Variants in SRD5A2 observed in about 807,000 individuals in gnomAD.
SRD5A2 encodes the protein 3-oxo-5-alpha-steroid 4-dehydrogenase 2.
In SRD5A2, 30 loss-of-function variants were observed where a neutral mutation model predicts 27.4. The ratio of observed to expected loss-of-function variants is 1.10; its 90% confidence interval spans 0.82 to 1.49. SRD5A2 has a LOEUF of 1.49. Ranked by LOEUF, SRD5A2 falls within the 40% of genes most tolerant of loss-of-function variation. The pLI is 0.00. For synonymous variants in SRD5A2, 141 were observed against 133.6 expected, an observed-to-expected ratio of 1.06 and a Z score of -0.38; for missense variants, 348 against 323.4, an observed-to-expected ratio of 1.08 and a Z score of -0.58.
At chr2:31,572,388 C>A (rs570791835) in intron 1 of SRD5A2, among the ~76,000 whole-genome samples, 15 of 152,208 alleles carry the variant, frequency 9.9e-5, no homozygotes, top group African/African-American at 3.4e-4. Flanking sequence ...ATAATCTGTA[C>A]ACCAAACCCC....
chr2:31,571,120 T>C (rs1173074174), intron 1 of SRD5A2, among the ~76,000 whole-genome samples: 3 of 152,264 alleles, frequency 2.0e-5, no homozygotes, highest in East Asian at 1.9e-4. Flanking sequence ...GACTTCAAAC[T>C]ACACTACAAG....
chr2:31,598,591 G>A, the SRD5A2 span, among the ~76,000 whole-genome samples: 1 of 151,634 alleles, frequency 6.6e-6, no homozygotes, highest in Non-Finnish European at 1.5e-5. Context: ...AAATAATGTT[G>A]TTATCCGCTT....
chr2:31,630,495 A>C, the SRD5A2 span, among the ~76,000 whole-genome samples: 2 of 152,182 alleles, frequency 1.3e-5, no homozygotes, highest in Non-Finnish European at 2.9e-5. Flanking sequence ...TTGTCAGTGT[A>C]AACAAGGGCA....
At chr2:31,567,152 G>A (rs958956626) in intron 1 of SRD5A2, among the ~76,000 whole-genome samples, 1 of 152,110 alleles carries the variant, frequency 6.6e-6, no homozygotes, top group African/African-American at 2.4e-5. Flanking sequence ...TCACAGTTGT[G>A]AATAGTAACA....
the SRD5A2 span, among the ~76,000 whole-genome samples, chr2:31,606,813 A>G: frequency 6.6e-6 from 1 of 151,934 alleles, no homozygotes; most frequent in Non-Finnish European, 1.5e-5. Flanking sequence ...CTGCTGTAAC[A>G]AACTGTCACA....
the SRD5A2 span, among the ~76,000 whole-genome samples, chr2:31,610,760 A>G: frequency 6.6e-6 from 1 of 152,328 alleles, no homozygotes; most frequent in Non-Finnish European, 1.5e-5. Flanking sequence ...CCAAAAACCT[A>G]TAAGAACTGA....
the SRD5A2 span, among the ~76,000 whole-genome samples, chr2:31,594,950 T>C: frequency 6.6e-6 from 1 of 152,192 alleles, no homozygotes; most frequent in Non-Finnish European, 1.5e-5. Context: ...AATCTGCTCC[T>C]GAATAATTTT....
the SRD5A2 span, among the ~76,000 whole-genome samples, chr2:31,589,512 G>A: frequency 1.4e-4 from 21 of 152,316 alleles, no homozygotes; most frequent in Admixed American, 7.2e-4. Flanking sequence ...TGGTCTCAGC[G>A]AGAGAACACC....
chr2:31,602,058 G>T, the SRD5A2 span, among the ~76,000 whole-genome samples: 1 of 151,890 alleles, frequency 6.6e-6, no homozygotes. Context: ...TTCTGGCCAG[G>T]GCAATCGGGC....
chr2:31,623,967 T>A, the SRD5A2 span, among the ~76,000 whole-genome samples: 13 of 152,190 alleles, frequency 8.5e-5, no homozygotes, highest in African/African-American at 2.7e-4. Context: ...TTGATCGTGT[T>A]GGATAAGCTT....
chr2:31,631,844 A>G, the SRD5A2 span, among the ~76,000 whole-genome samples: 3 of 152,192 alleles, frequency 2.0e-5, no homozygotes, highest in Non-Finnish European at 4.4e-5. Flanking sequence ...AGTGTAGACC[A>G]TCATTGGGAC....
At chr2:31,650,447 G>C in the SRD5A2 span, among the ~76,000 whole-genome samples, 1 of 152,092 alleles carries the variant, frequency 6.6e-6, no homozygotes, top group East Asian at 1.9e-4. Flanking sequence ...CACTGTGTCT[G>C]TGCTCTCAGA....
intron 1 of SRD5A2, among the ~76,000 whole-genome samples, chr2:31,554,342 C>T (rs1666448575): frequency 6.6e-6 from 1 of 152,168 alleles, no homozygotes; most frequent in Admixed American, 6.5e-5. Flanking sequence ...AATTCATAAT[C>T]AGATGGTACT....
chr2:31,583,282 G>C (rs975506463), upstream of SRD5A2, among the ~76,000 whole-genome samples: 1 of 152,160 alleles, frequency 6.6e-6, no homozygotes, highest in African/African-American at 2.4e-5. Context: ...AACACACAAG[G>C]CCTCTTCAGG....
intron 1 of SRD5A2, among the ~76,000 whole-genome samples, chr2:31,539,108 T>TA: frequency 6.6e-6 from 1 of 152,184 alleles, no homozygotes; most frequent in East Asian, 1.9e-4. Context: ...CTGCTACATA[T>TA]AATTGAGTCT....
chr2:31,653,412 C>G, the SRD5A2 span, among the ~76,000 whole-genome samples: 5 of 152,318 alleles, frequency 3.3e-5, no homozygotes, highest in East Asian at 7.7e-4. Flanking sequence ...GTACCCTCAG[C>G]AAAAGGAGTA....
chr2:31,578,196 T>C (rs984278113), intron 1 of SRD5A2, among the ~76,000 whole-genome samples: 4 of 152,152 alleles, frequency 2.6e-5, no homozygotes, highest in Non-Finnish European at 5.9e-5. Context: ...TTTCTACTTT[T>C]GGGATTTTTC....
chr2:31,614,425 C>A, the SRD5A2 span, among the ~76,000 whole-genome samples: 1 of 152,216 alleles, frequency 6.6e-6, no homozygotes. Context: ...TGGCCTTGGG[C>A]AGCTCTGCCC....
the SRD5A2 span, among the ~76,000 whole-genome samples, chr2:31,605,033 C>G: frequency 6.6e-6 from 1 of 151,672 alleles, no homozygotes; most frequent in Non-Finnish European, 1.5e-5. Flanking sequence ...AACACAAGTG[C>G]CAAGAACATA....
Sources: allele counts gnomAD v4.1 joint callset (sites outside exome capture counted in the v4.1 genomes callset), GRCh38; gene constraint gnomAD v4.1.1; transcripts MANE v1.5; gene names NCBI Gene and HGNC (gene_info 2026-07-23, HGNC 2026-07-21).